The following ERBB4 variants were observed in gnomAD, a reference collection of about 807,000 sequenced individuals.
ERBB4 encodes the protein receptor tyrosine-protein kinase erbB-4.
In ERBB4, 42 loss-of-function variants were observed where a neutral mutation model predicts 158.0. The ratio of observed to expected loss-of-function variants is 0.27; its 90% confidence interval spans 0.21 to 0.34. The LOEUF is 0.34. Among genes scored for constraint, ERBB4 ranks in the 10% least tolerant of loss-of-function variants. The probability of loss-of-function intolerance (pLI) is 1.00; values close to 1 mark genes in which losing one functional copy is unlikely to be tolerated. For missense variants in ERBB4, 1,333 were observed against 1,624.1 expected (o/e 0.82, Z 3.08); for synonymous variants, 583 against 558.7 (o/e 1.04, Z -0.61).
At chr2:211,850,823 T>C (rs1380611019) in intron 3 of ERBB4, among the ~76,000 whole-genome samples, 2 of 151,968 alleles carry the variant, frequency 1.3e-5, no homozygotes, top group Admixed American at 6.6e-5. Context: ...TCTAAAATTA[T>C]TTTTCTTTTT....
At chr2:212,134,145 C>T (rs980589205) in intron 1 of ERBB4, among the ~76,000 whole-genome samples, 1 of 151,982 alleles carries the variant, frequency 6.6e-6, no homozygotes, top group South Asian at 2.1e-4. Flanking sequence ...GTTTTTATTT[C>T]AGACTTGAAT....
At chr2:212,074,901 A>C (rs1003283547) in intron 2 of ERBB4, among the ~76,000 whole-genome samples, 4 of 151,980 alleles carry the variant, frequency 2.6e-5, no homozygotes, top group Admixed American at 2.6e-4. Context: ...ACAATATTTT[A>C]TACCTTGTTT....
At chr2:212,458,071 C>T (rs1688388443) in intron 1 of ERBB4, among the ~76,000 whole-genome samples, 1 of 151,916 alleles carries the variant, frequency 6.6e-6, no homozygotes, top group Non-Finnish European at 1.5e-5. Flanking sequence ...TCTTGATTCC[C>T]TACTGTTTTT....
intron 2 of ERBB4, among the ~76,000 whole-genome samples, chr2:212,092,811 T>C (rs1234542715): frequency 1.3e-5 from 2 of 152,028 alleles, no homozygotes; most frequent in African/African-American, 2.4e-5. Flanking sequence ...AACCGGGGCC[T>C]GTCAGGGGGC....
At chr2:212,374,179 A>G (rs1429527055) in intron 1 of ERBB4, among the ~76,000 whole-genome samples, 1 of 150,288 alleles carries the variant, frequency 6.7e-6, no homozygotes, top group African/African-American at 2.4e-5. Flanking sequence ...ACATAAAAAT[A>G]GGCAGATAGA....
chr2:211,656,870 A>G lies in ERBB4; in HGVS notation c.1946+884T>C, dbSNP rs140363053. Among the ~76,000 whole-genome samples the G allele has an allele frequency of 1.8e-3, 279 of 152,336 alleles. 4 individuals carry two copies. Among genetic ancestry groups the G allele is most frequent in the Middle Eastern group, 6.8e-3 (2 of 294 alleles). On this transcript the variant is annotated intron_variant, in intron 16 of 27. Transcript: ENST00000342788. ...TATAGATATGCCACAACTGAAGAAC[A>G]TTTGAGTAGTTTCCAATTTTGGGTG...
At chr2:212,132,777 G>A (rs1283366974) in intron 1 of ERBB4, among the ~76,000 whole-genome samples, 2 of 151,980 alleles carry the variant, frequency 1.3e-5, no homozygotes, top group Non-Finnish European at 2.9e-5. Context: ...AAATCTCTAT[G>A]TGTGTGTGCG....
intron 1 of ERBB4, among the ~76,000 whole-genome samples, chr2:212,413,345 T>A (rs1454846021): frequency 1.3e-5 from 2 of 151,252 alleles, no homozygotes; most frequent in Non-Finnish European, 2.9e-5. Context: ...TCTACTCTCT[T>A]ATTTACTTGT....
chr2:212,384,890 A>AATATATATATATATAT (rs67216333), intron 1 of ERBB4, among the ~76,000 whole-genome samples: 9 of 123,178 alleles, frequency 7.3e-5, no homozygotes, highest in South Asian at 2.6e-4. Context: ...ATGTTTGTGG[A>AATATATATATATATAT]ATATATATAT....
chr2:211,596,071 A>G (rs1466529374), intron 19 of ERBB4, among the ~76,000 whole-genome samples: 2 of 152,212 alleles, frequency 1.3e-5, no homozygotes, highest in Non-Finnish European at 2.9e-5. Flanking sequence ...TTTCAAGAAA[A>G]TTATAAAACT....
chr2:211,392,601 C>CACACACA (rs1559122671), intron 25 of ERBB4, among the ~76,000 whole-genome samples: 2 of 134,120 alleles, frequency 1.5e-5, no homozygotes, highest in African/African-American at 2.6e-5. Flanking sequence ...CACACACACA[C>CACACACA]CCCAATAATG....
chr2:211,711,614 G>A (rs2073704126), intron 9 of ERBB4, among the ~76,000 whole-genome samples: 1 of 152,130 alleles, frequency 6.6e-6, no homozygotes, highest in South Asian at 2.1e-4. Context: ...AAGAAGCTCA[G>A]GGGAATTTCA....
intron 19 of ERBB4, among the ~76,000 whole-genome samples, chr2:211,570,465 C>A (rs1273239385): frequency 6.6e-6 from 1 of 151,332 alleles, no homozygotes; most frequent in African/African-American, 2.4e-5. Context: ...CATGCCAGGC[C>A]TCTTTTAGTT....
rs370359246 is a variant in ERBB4, at chr2:211,562,865, G to A, written c.2302-777C>T. On this transcript the variant is annotated intron_variant, in intron 19 of 27. Transcript: ENST00000342788. Reference sequence around the variant, plus strand: ...CGGCTCACTGCAAGCTCCGCCTCCCGGGTTCACGCCATTCTCCTGCCTCAG... The same window carrying A: ...CGGCTCACTGCAAGCTCCGCCTCCCAGGTTCACGCCATTCTCCTGCCTCAG... 3.2e-3 allele frequency among the ~76,000 whole-genome samples: 465 copies of A among 145,334 alleles called. 4 individuals carry two copies. Among genetic ancestry groups the A allele is most frequent in the African/African-American group, 0.012 (448 of 37,890 alleles).
At chr2:211,445,905 G>A (rs893143030) in intron 20 of ERBB4, among the ~76,000 whole-genome samples, 1 of 152,258 alleles carries the variant, frequency 6.6e-6, no homozygotes, top group Non-Finnish European at 1.5e-5. Context: ...GAGAAGAAAT[G>A]AAGGAGAAAT....
At chr2:211,523,531 G>A (rs1046285422) in intron 20 of ERBB4, among the ~76,000 whole-genome samples, 6 of 151,608 alleles carry the variant, frequency 4.0e-5, no homozygotes, top group African/African-American at 1.2e-4. Flanking sequence ...TCGGAGTTTC[G>A]TCCTTCTGGT....
intron 20 of ERBB4, among the ~76,000 whole-genome samples, chr2:211,489,191 C>T (rs1164152807): frequency 6.6e-6 from 1 of 152,050 alleles, no homozygotes; most frequent in Non-Finnish European, 1.5e-5. Flanking sequence ...CTTTTCACCA[C>T]AGCTGACTGC....
At chr2:212,206,584 CTGTTCTTTTT>C (rs1559743822) in intron 1 of ERBB4, among the ~76,000 whole-genome samples, 2 of 78,914 alleles carry the variant, frequency 2.5e-5, no homozygotes, top group Non-Finnish European at 5.4e-5. Flanking sequence ...TCCGTCTGTT[CTGTTCTTTTT>C]TTTTTTTTTT....
At position 211,577,384 on chromosome 2, in the gene ERBB4, C is replaced by T. The variant is rs146268492; in HGVS notation, c.2302-15296G>A. The stretch of plus-strand genomic sequence containing the variant: ...ATTTCTGCTCTTTTTTTTACCCTCC[C>T]ATAAATAACAGATAATCAAGTACCT... On this transcript the variant is annotated intron_variant, in intron 19 of 27. Transcript: ENST00000342788. 1.9e-3 allele frequency among the ~76,000 whole-genome samples: 292 copies of T among 152,044 alleles called. 3 individuals are homozygous for T. Among genetic ancestry groups the T allele is most frequent in the African/African-American group, 5.8e-3 (239 of 41,456 alleles).
Sources: allele counts gnomAD v4.1 joint callset (sites outside exome capture counted in the v4.1 genomes callset), GRCh38; gene constraint gnomAD v4.1.1; transcripts MANE v1.5; gene names NCBI Gene and HGNC (gene_info 2026-07-23, HGNC 2026-07-21).